The following CCDC7 variants were observed in gnomAD, a reference collection of about 807,000 sequenced individuals.
CCDC7 encodes the protein coiled-coil domain-containing protein 7.
Under a neutral mutation model 196.9 loss-of-function variants are expected in CCDC7, and 183 were observed. The ratio of observed to expected loss-of-function variants is 0.93; its 90% CI spans 0.82 to 1.05. The LOEUF is 1.05. Ranked by LOEUF, CCDC7 falls within the 50% of genes least tolerant of loss-of-function variation. The pLI, the probability that CCDC7 is intolerant of heterozygous loss-of-function variation, is 0.00. For synonymous variants in CCDC7, 525 were observed against 484.6 expected, an observed-to-expected ratio of 1.08 and a Z score of -1.10; for missense variants, 1,540 against 1,482.2, an observed-to-expected ratio of 1.04 and a Z score of -0.64.
chr10:32,789,498 A>C (rs1451812059), intron 29 of CCDC7, among the ~76,000 whole-genome samples: 1 of 152,080 alleles, frequency 6.6e-6, no homozygotes, highest in African/African-American at 2.4e-5. Flanking sequence ...AAAAGAAAGA[A>C]TCAGTAAACT....
At chr10:32,811,133 C>A (rs542270889) in intron 30 of CCDC7, among the ~76,000 whole-genome samples, 3 of 151,768 alleles carry the variant, frequency 2.0e-5, no homozygotes, top group South Asian at 2.1e-4. Context: ...CCAATCACAA[C>A]AAAAATTAAT....
At chr10:32,637,761 G>T (rs2065917798) in intron 20 of CCDC7, among the ~76,000 whole-genome samples, 2 of 152,098 alleles carry the variant, frequency 1.3e-5, no homozygotes, top group South Asian at 4.2e-4. Flanking sequence ...TTCCAATTCT[G>T]TGAAGAAAGT....
chr10:32,719,765 A>T (rs569914186), intron 25 of CCDC7, among the ~76,000 whole-genome samples: 1 of 152,378 alleles, frequency 6.6e-6, no homozygotes, highest in East Asian at 1.9e-4. Flanking sequence ...CAAACATGAA[A>T]AAAAGCTCAT....
chr10:32,622,524 A>AT (rs1277229285), intron 18 of CCDC7, among the ~76,000 whole-genome samples: 4 of 151,802 alleles, frequency 2.6e-5, no homozygotes, highest in South Asian at 4.2e-4. Flanking sequence ...CAGAATTGAA[A>AT]TTTTTTTTAG....
At chr10:32,764,508 G>C (rs1160758722) in intron 28 of CCDC7, among the ~76,000 whole-genome samples, 1 of 151,876 alleles carries the variant, frequency 6.6e-6, no homozygotes, top group Non-Finnish European at 1.5e-5. Flanking sequence ...AGAAAGGACT[G>C]TAACGGTCAG....
At chr10:32,544,157 T>A (rs1589713615) in intron 12 of CCDC7, 90 bp from the exon 14 acceptor site, 2 of 1,098,380 alleles carry the variant, frequency 1.8e-6, no homozygotes, top group Non-Finnish European at 2.6e-6. Flanking sequence ...TTCATTATTT[T>A]AAAATCGTTT....
At chr10:32,682,326 C>T (rs1038685728) in intron 21 of CCDC7, among the ~76,000 whole-genome samples, 2 of 152,064 alleles carry the variant, frequency 1.3e-5, no homozygotes, top group Non-Finnish European at 2.9e-5. Flanking sequence ...TTCCTTCCAG[C>T]CTTATCAATG....
intron 30 of CCDC7, among the ~76,000 whole-genome samples, chr10:32,811,742 T>C (rs985233550): frequency 6.6e-6 from 1 of 152,024 alleles, no homozygotes; most frequent in African/African-American, 2.4e-5. Context: ...TTTACTCTGA[T>C]ACCAAAACCA....
chr10:32,517,527 C>A (rs1286192804), intron 9 of CCDC7, among the ~76,000 whole-genome samples: 2 of 144,578 alleles, frequency 1.4e-5, no homozygotes, highest in Non-Finnish European at 3.0e-5. Context: ...GTATTAAAAT[C>A]TTTACAAAGA....
intron 16 of CCDC7, among the ~76,000 whole-genome samples, chr10:32,577,204 A>G (rs2058296539): frequency 6.6e-6 from 1 of 152,040 alleles, no homozygotes; most frequent in South Asian, 2.1e-4. Context: ...TCTACTAAAA[A>G]TACAAAAATT....
chr10:32,660,621 A>G (rs1373452545), intron 20 of CCDC7, among the ~76,000 whole-genome samples: 12 of 151,088 alleles, frequency 7.9e-5, no homozygotes, highest in Admixed American at 3.3e-4. Flanking sequence ...CATGATTTAT[A>G]GTCCTTTGGG....
chr10:32,813,919 T>C (rs964155987), intron 30 of CCDC7, among the ~76,000 whole-genome samples: 1 of 152,172 alleles, frequency 6.6e-6, no homozygotes, highest in African/African-American at 2.4e-5. Context: ...AATCCAGACA[T>C]TTCATTTTAA....
intron 14 of CCDC7, among the ~76,000 whole-genome samples, chr10:32,566,992 A>G (rs1178591057): frequency 9.7e-6 from 1 of 102,812 alleles, no homozygotes; most frequent in Non-Finnish European, 1.9e-5. Flanking sequence ...ATATTTATAT[A>G]TAAAAAAATA....
intron 31 of CCDC7, among the ~76,000 whole-genome samples, chr10:32,823,929 G>A (rs983705147): frequency 1.3e-5 from 2 of 151,984 alleles, no homozygotes; most frequent in African/African-American, 4.8e-5. Context: ...CATTACATGC[G>A]TTATTTATTA....
downstream of CCDC7, among the ~76,000 whole-genome samples, chr10:32,878,124 A>G (rs1348205873): frequency 6.6e-6 from 1 of 152,108 alleles, no homozygotes; most frequent in Non-Finnish European, 1.5e-5. Flanking sequence ...AATATTCCAC[A>G]CCTGTGCCCT....
rs143967994 is a variant in CCDC7 at position 32,734,017 on chromosome 10, T to C, written c.2905+4560T>C. 1.9e-4 allele frequency among the ~76,000 whole-genome samples: 29 copies of C among 152,304 alleles called. No homozygotes were observed. The East Asian group carries it at 5.0e-3, about 26-fold the overall frequency. On this transcript the variant is annotated intron_variant, in intron 28 of 41. Coordinates refer to ENST00000639629, the Ensembl canonical transcript of CCDC7. ...CGTTCAACCATTATGGAAAACAGTATGGTGATTCTTCAGAGAGCTAAAAGC... is the reference window on the plus strand; with the variant it reads ...CGTTCAACCATTATGGAAAACAGTACGGTGATTCTTCAGAGAGCTAAAAGC...
chr10:32,606,946 A>G (rs1175203557), intron 18 of CCDC7, among the ~76,000 whole-genome samples: 1 of 152,172 alleles, frequency 6.6e-6, no homozygotes, highest in Non-Finnish European at 1.5e-5. Flanking sequence ...ATGCAGAATG[A>G]TATGGTTTGG....
intron 8 of CCDC7, among the ~76,000 whole-genome samples, chr10:32,474,473 G>C (rs2038614609): frequency 6.6e-6 from 1 of 151,692 alleles, no homozygotes; most frequent in African/African-American, 2.4e-5. Flanking sequence ...CTGACCTCAG[G>C]TAATCTGCCT....
At chr10:32,818,653 G>T (rs2089417222) in intron 31 of CCDC7, among the ~76,000 whole-genome samples, 1 of 152,202 alleles carries the variant, frequency 6.6e-6, no homozygotes, top group South Asian at 2.1e-4. Context: ...AGACCACAGT[G>T]TAATCAAACT....
Sources: gnomAD v4.1 joint callset for allele counts (sites outside exome capture counted in the v4.1 genomes callset) on GRCh38, gnomAD v4.1.1 for gene constraint, MANE v1.5 for transcripts, NCBI Gene and HGNC (gene_info 2026-07-23, HGNC 2026-07-21) for gene names.